LRRC37A2: variants seen among roughly 807,000 people sequenced by gnomAD.
LRRC37A2 encodes the protein leucine rich repeat containing 37 member A2, also known as leucine-rich repeat-containing protein 37A2.
In LRRC37A2, 9 loss-of-function variants were observed where a neutral mutation model predicts 68.8. The observed-to-expected ratio is 0.13, with a 90% confidence interval of 0.08 to 0.23. LRRC37A2 has a LOEUF of 0.23. LRRC37A2 is among the 10% of genes least tolerant of loss of function. LRRC37A2 has a pLI of 1.00. For synonymous variants in LRRC37A2, 63 were observed against 367.6 expected (o/e 0.17, Z 9.48); for missense variants, 168 against 950.4 (o/e 0.18, Z 10.82).
the LRRC37A2 span, chr17:46,833,318 A>C: frequency 1.9e-6 from 1 of 513,394 alleles, no homozygotes; most frequent in Non-Finnish European, 3.9e-6. Context: ...AGCAAGCTGC[A>C]ATTTCTGTTG....
At chr17:47,011,926 G>A in the LRRC37A2 span, among the ~76,000 whole-genome samples, 1 of 152,162 alleles carries the variant, frequency 6.6e-6, no homozygotes, top group Middle Eastern at 3.4e-3. Flanking sequence ...TTGATTGCAA[G>A]ATCAAAAAAT....
At chr17:47,029,164 TG>T in the LRRC37A2 span, among the ~76,000 whole-genome samples, 1 of 151,876 alleles carries the variant, frequency 6.6e-6, no homozygotes, top group Non-Finnish European at 1.5e-5. Flanking sequence ...CCCTCCAGGC[TG>T]GTCTCGAACT....
the LRRC37A2 span, among the ~76,000 whole-genome samples, chr17:46,572,911 A>G: frequency 1.3e-5 from 1 of 76,286 alleles, no homozygotes; most frequent in Admixed American, 1.6e-4. Context: ...AGGAAGAGAG[A>G]GACAGAGAGA....
chr17:46,914,127 G>A, the LRRC37A2 span, among the ~76,000 whole-genome samples: 1 of 152,168 alleles, frequency 6.6e-6, no homozygotes, highest in African/African-American at 2.4e-5. Flanking sequence ...GGGGGTGGCT[G>A]AAGAATGATG....
chr17:46,817,630 A>C, the LRRC37A2 span, among the ~76,000 whole-genome samples: 1 of 134,616 alleles, frequency 7.4e-6, no homozygotes, highest in East Asian at 2.7e-4. Flanking sequence ...CCAGACACGC[A>C]CAGCCCCCCC....
chr17:47,001,786 A>C, the LRRC37A2 span, among the ~76,000 whole-genome samples: 1 of 132,726 alleles, frequency 7.5e-6, no homozygotes, highest in African/African-American at 2.9e-5. Context: ...CAGTGGTGAG[A>C]TCTCGGCTCA....
At chr17:46,684,908 G>A in the LRRC37A2 span, among the ~76,000 whole-genome samples, 1 of 101,700 alleles carries the variant, frequency 9.8e-6, no homozygotes, top group Admixed American at 1.3e-4. Context: ...CTAGTGTGAT[G>A]AAATAGCATA....
the LRRC37A2 span, among the ~76,000 whole-genome samples, chr17:46,492,348 G>A: frequency 6.6e-6 from 1 of 150,986 alleles, no homozygotes; most frequent in Admixed American, 6.6e-5. Flanking sequence ...CTGTGTTGTT[G>A]TATCAGTAGT....
the LRRC37A2 span, among the ~76,000 whole-genome samples, chr17:46,827,682 T>C: frequency 6.6e-6 from 1 of 152,226 alleles, no homozygotes; most frequent in Non-Finnish European, 1.5e-5. Context: ...TCACCCATCA[T>C]GTCTAGTGTA....
chr17:46,543,409 A>G (rs1382011481), intron 8 of LRRC37A2, among the ~76,000 whole-genome samples: 2 of 151,012 alleles, frequency 1.3e-5, no homozygotes, highest in Admixed American at 1.3e-4. Flanking sequence ...CTAAAGAATC[A>G]TGTACTAAGT....
At chr17:46,794,661 C>G in the LRRC37A2 span, among the ~76,000 whole-genome samples, 5 of 152,156 alleles carry the variant, frequency 3.3e-5, no homozygotes, top group Non-Finnish European at 4.4e-5. Context: ...TCTATAGATG[C>G]CTGGGAATTC....
the LRRC37A2 span, among the ~76,000 whole-genome samples, chr17:46,960,579 C>A: frequency 6.6e-6 from 1 of 152,118 alleles, no homozygotes; most frequent in Non-Finnish European, 1.5e-5. Flanking sequence ...TTTGCAATCA[C>A]CAAAACAGGA....
the LRRC37A2 span, among the ~76,000 whole-genome samples, chr17:46,766,360 A>G: frequency 6.8e-4 from 103 of 151,798 alleles, 1 homozygote; most frequent in African/African-American, 2.4e-3. Context: ...GTGAGCCGAG[A>G]TTGCGCACTT....
At chr17:46,966,551 G>A in the LRRC37A2 span, 1 of 695,342 alleles carries the variant, frequency 1.4e-6, no homozygotes. Context: ...GTCTCACCAT[G>A]TTGCCCAGAA....
At chr17:46,951,599 A>C in the LRRC37A2 span, among the ~76,000 whole-genome samples, 11 of 152,126 alleles carry the variant, frequency 7.2e-5, no homozygotes, top group African/African-American at 2.7e-4. Flanking sequence ...TTTTGCCCCC[A>C]TGTTGAGGCC....
the LRRC37A2 span, chr17:46,872,505 C>G: frequency 6.8e-7 from 1 of 1,476,306 alleles, no homozygotes; most frequent in African/African-American, 1.4e-5. Flanking sequence ...TCCCTCCTCT[C>G]GCTCTCTCTA....
chr17:46,770,132 A>AG, the LRRC37A2 span: 1 of 1,451,582 alleles, frequency 6.9e-7, no homozygotes, highest in South Asian at 1.4e-5. Context: ...CCAGGACGTG[A>AG]GGGGAACGAG....
the LRRC37A2 span, among the ~76,000 whole-genome samples, chr17:46,958,416 G>A: frequency 6.6e-6 from 1 of 152,236 alleles, no homozygotes; most frequent in Admixed American, 6.5e-5. Context: ...AACGTGTGTG[G>A]GGGCTCAGAG....
the LRRC37A2 span, among the ~76,000 whole-genome samples, chr17:46,914,736 C>T: frequency 1.3e-5 from 2 of 152,058 alleles, no homozygotes; most frequent in East Asian, 3.9e-4. Context: ...CACAGATTGC[C>T]TCCTGGGTCT....
Sources: gnomAD v4.1 joint callset for allele counts (sites outside exome capture counted in the v4.1 genomes callset) on GRCh38, gnomAD v4.1.1 for gene constraint, MANE v1.5 for transcripts, NCBI Gene and HGNC (gene_info 2026-07-23, HGNC 2026-07-21) for gene names.